The following BEND6 variants were observed in gnomAD, a reference collection of about 807,000 sequenced individuals.
BEND6 encodes BEN domain-containing protein 6.
A neutral mutation model predicts 31.8 loss-of-function variants in BEND6; 24 were observed. The ratio of observed to expected loss-of-function variants is 0.75; its 90% CI spans 0.55 to 1.06. The LOEUF (loss-of-function observed/expected upper bound fraction) is 1.06, where lower values mean the gene tolerates loss of function less well. Among genes scored for constraint, BEND6 ranks in the 50% least tolerant of loss-of-function variants. BEND6 has a pLI of 0.00. For missense variants in BEND6, 294 were observed against 327.4 expected (o/e 0.90, Z 0.79); for synonymous variants, 109 against 114.6 (o/e 0.95, Z 0.31).
Position 57,018,417 on chromosome 6 carries a change from A to G in BEND6, c.713-4A>G. The G allele has an allele frequency of 6.3e-7, 1 of 1,580,996 alleles. No individual in the cohort carries two copies. Among genetic ancestry groups the G allele is most frequent in the Non-Finnish European group, 8.5e-7 (1 of 1,169,962 alleles). The stretch of plus-strand genomic sequence containing the variant: ...TCTCATGTGTCGCTATTGGTTTTTT[A>G]CAGGAGTAACAAAACAATTATTTCC... On this transcript the variant is annotated splice_region_variant and splice_polypyrimidine_tract_variant and intron_variant, in intron 5 of 6. Transcript: ENST00000370746.
intron 3 of BEND6, 49 bp from the exon 4 acceptor site, chr6:57,015,084 A>G (rs764940149): frequency 6.7e-7 from 1 of 1,502,338 alleles, no homozygotes; most frequent in South Asian, 1.2e-5. Context: ...GTACATATGC[A>G]CCTATTATCA....
At chr6:56,996,642 A>G (rs778939344) in intron 3 of BEND6, among the ~76,000 whole-genome samples, 4 of 152,128 alleles carry the variant, frequency 2.6e-5, no homozygotes, top group Admixed American at 6.5e-5. Context: ...ATCTTAGCTA[A>G]TGTTAACTTC....
chr6:57,014,441 C>T, intron 3 of BEND6: 2 of 1,419,774 alleles, frequency 1.4e-6, no homozygotes, highest in Admixed American at 2.5e-5. Context: ...CCAACTCCAA[C>T]AACATGTTAT....
intron 2 of BEND6, among the ~76,000 whole-genome samples, chr6:56,987,915 A>G (rs1826340704): frequency 6.6e-6 from 1 of 152,134 alleles, no homozygotes; most frequent in Non-Finnish European, 1.5e-5. Context: ...CTTGAATGTT[A>G]CAACTTATAA....
intron 2 of BEND6, among the ~76,000 whole-genome samples, chr6:56,985,738 A>T (rs1826244463): frequency 6.6e-6 from 1 of 152,194 alleles, no homozygotes; most frequent in Non-Finnish European, 1.5e-5. Flanking sequence ...GATAGCTAGC[A>T]GTCTCTGCAC....
At chr6:56,969,128 G>A (rs1158001625) in intron 1 of BEND6, among the ~76,000 whole-genome samples, 4 of 151,928 alleles carry the variant, frequency 2.6e-5, no homozygotes, top group Non-Finnish European at 5.9e-5. Flanking sequence ...AAGTTGAAAT[G>A]CTGCCTAATG....
chr6:56,958,758 T>G (rs1227744235), intron 1 of BEND6, among the ~76,000 whole-genome samples: 1 of 152,166 alleles, frequency 6.6e-6, no homozygotes, highest in Non-Finnish European at 1.5e-5. Context: ...TAGGGAGTGT[T>G]CCAATTTAGT....
chr6:56,993,396 G>C (rs921801299), intron 3 of BEND6, among the ~76,000 whole-genome samples: 1 of 152,174 alleles, frequency 6.6e-6, no homozygotes, highest in African/African-American at 2.4e-5. Flanking sequence ...AGTGGTACAA[G>C]AAAGTGAGGC....
chr6:56,971,054 C>G (rs1273257390), intron 1 of BEND6, among the ~76,000 whole-genome samples: 1 of 152,070 alleles, frequency 6.6e-6, no homozygotes, highest in Non-Finnish European at 1.5e-5. Flanking sequence ...ATTGTGCAAC[C>G]ATCACTACCA....
chr6:56,994,268 G>T (rs1226915328), intron 3 of BEND6, among the ~76,000 whole-genome samples: 3 of 151,602 alleles, frequency 2.0e-5, no homozygotes, highest in Non-Finnish European at 4.4e-5. Context: ...GACCATCCTG[G>T]CTAACACTGT....
At chr6:57,020,339 T>C (rs994215948) in intron 6 of BEND6, among the ~76,000 whole-genome samples, 4 of 151,764 alleles carry the variant, frequency 2.6e-5, no homozygotes, top group Non-Finnish European at 4.4e-5. Flanking sequence ...TTTGAACTCA[T>C]GAGCTCAAGC....
chr6:56,989,980 C>T (rs1826431395), intron 2 of BEND6, among the ~76,000 whole-genome samples: 1 of 152,122 alleles, frequency 6.6e-6, no homozygotes, highest in Non-Finnish European at 1.5e-5. Context: ...GCCCCAAGTT[C>T]AAAATACCTG....
At chr6:57,025,654 C>A (rs563196789) in intron 6 of BEND6, among the ~76,000 whole-genome samples, 1 of 152,200 alleles carries the variant, frequency 6.6e-6, no homozygotes, top group African/African-American at 2.4e-5. Context: ...TCACTGTCCA[C>A]CTTGATCTCA....
chr6:56,963,750 T>C (rs1825365022), intron 1 of BEND6, among the ~76,000 whole-genome samples: 1 of 150,974 alleles, frequency 6.6e-6, no homozygotes, highest in South Asian at 2.1e-4. Context: ...TGTATGGGGG[T>C]AATCTGGTTC....
chr6:56,996,403 C>T (rs1826712786), intron 3 of BEND6, among the ~76,000 whole-genome samples: 1 of 152,100 alleles, frequency 6.6e-6, no homozygotes, highest in African/African-American at 2.4e-5. Context: ...GCTGAGATTA[C>T]ACCACTGCAC....
At chr6:56,982,196 C>T (rs1000453239) in intron 2 of BEND6, among the ~76,000 whole-genome samples, 1 of 152,190 alleles carries the variant, frequency 6.6e-6, no homozygotes, top group African/African-American at 2.4e-5. Flanking sequence ...GCTGGGATTA[C>T]AGGTATAAGC....
intron 2 of BEND6, among the ~76,000 whole-genome samples, chr6:56,991,127 AAAAT>A (rs200445719): frequency 6.6e-6 from 1 of 152,184 alleles, no homozygotes; most frequent in Non-Finnish European, 1.5e-5. Context: ...CAAACATTTA[AAAAT>A]AAATTAATTA....
At chr6:56,964,039 T>C (rs574050921) in intron 1 of BEND6, among the ~76,000 whole-genome samples, 3 of 148,150 alleles carry the variant, frequency 2.0e-5, no homozygotes, top group South Asian at 2.1e-4. Flanking sequence ...ATTAATATTA[T>C]AATTAATATT....
At chr6:56,958,890 C>T (rs1460273152) in intron 1 of BEND6, among the ~76,000 whole-genome samples, 1 of 152,090 alleles carries the variant, frequency 6.6e-6, no homozygotes, top group Non-Finnish European at 1.5e-5. Flanking sequence ...AGGCTAAAAC[C>T]AGACATTAAT....
Sources: allele counts gnomAD v4.1 joint callset (sites outside exome capture counted in the v4.1 genomes callset), GRCh38; gene constraint gnomAD v4.1.1; transcripts MANE v1.5; gene names NCBI Gene and HGNC (gene_info 2026-07-23, HGNC 2026-07-21).